PITPNC1: variants seen among roughly 807,000 people sequenced by gnomAD.
PITPNC1 encodes the protein phosphatidylinositol transfer protein cytoplasmic 1, also known as cytoplasmic phosphatidylinositol transfer protein 1.
In PITPNC1, 18 loss-of-function variants were observed where a neutral mutation model predicts 44.7. That is an observed-to-expected ratio of 0.40 (90% CI 0.28 to 0.60). The LOEUF is 0.60. PITPNC1 is among the 20% of genes least tolerant of loss of function. The probability of loss-of-function intolerance (pLI) is 0.39; values close to 1 mark genes in which losing one functional copy is unlikely to be tolerated. For synonymous variants in PITPNC1, 141 were observed against 149.6 expected (o/e 0.94, Z 0.42); for missense variants, 290 against 418.4 (o/e 0.69, Z 2.68).
intron 5 of PITPNC1, among the ~76,000 whole-genome samples, chr17:67,588,582 G>T (rs1331794461): frequency 1.3e-5 from 2 of 151,984 alleles, no homozygotes; most frequent in African/African-American, 4.8e-5. Context: ...AGCTGTCTCG[G>T]TTATCACATC....
intron 8 of PITPNC1, among the ~76,000 whole-genome samples, chr17:67,684,656 A>AT (rs1439617596): frequency 6.6e-6 from 1 of 151,886 alleles, no homozygotes; most frequent in South Asian, 2.1e-4. Flanking sequence ...CTTTTTACCT[A>AT]TTTTTTATTT....
intron 2 of PITPNC1, among the ~76,000 whole-genome samples, chr17:67,552,025 A>T (rs2040770636): frequency 6.6e-6 from 1 of 152,190 alleles, no homozygotes; most frequent in Admixed American, 6.5e-5. Context: ...AGTCTGATGG[A>T]GTCCCCCACC....
chr17:67,382,596 C>T (rs531566461), intron 1 of PITPNC1, among the ~76,000 whole-genome samples: 3 of 152,038 alleles, frequency 2.0e-5, no homozygotes, highest in South Asian at 2.1e-4. Flanking sequence ...ATTTGGTAGA[C>T]GTAGATGTAG....
At chr17:67,539,655 G>A (rs1222900922) in intron 2 of PITPNC1, among the ~76,000 whole-genome samples, 1 of 152,112 alleles carries the variant, frequency 6.6e-6, no homozygotes, top group Admixed American at 6.6e-5. Context: ...TGGCTAACAC[G>A]GTGAAACCCC....
intron 5 of PITPNC1, among the ~76,000 whole-genome samples, chr17:67,610,892 G>A (rs1205593955): frequency 1.4e-5 from 2 of 147,812 alleles, no homozygotes; most frequent in African/African-American, 5.0e-5. Context: ...CTGCACTCCA[G>A]CCTGGCGACA....
At position 67,636,164 on chromosome 17, in the gene PITPNC1, G is replaced by T. The variant is rs559292936; in HGVS notation, c.462+3926G>T. On this transcript the variant is annotated intron_variant, in intron 6 of 8. Transcript: ENST00000581322. Reference sequence around the variant, plus strand: ...ATTCAAAAAATTAGCCGGCCATGGTGGTAGGTGCCTGTAATTCCATCTACT... The same window carrying T: ...ATTCAAAAAATTAGCCGGCCATGGTTGTAGGTGCCTGTAATTCCATCTACT... 4.5e-4 allele frequency among the ~76,000 whole-genome samples: 68 copies of T among 151,994 alleles called. No individual in the cohort carries two copies. The South Asian group carries it at 0.012, about 28-fold the overall frequency.
chr17:67,434,464 G>A (rs2143903839), intron 1 of PITPNC1, among the ~76,000 whole-genome samples: 1 of 152,230 alleles, frequency 6.6e-6, no homozygotes. Context: ...CTTTCTTAGG[G>A]CCCTCTGCAC....
At chr17:67,622,175 G>T (rs966131209) in intron 5 of PITPNC1, among the ~76,000 whole-genome samples, 8 of 150,616 alleles carry the variant, frequency 5.3e-5, no homozygotes, top group Non-Finnish European at 1.0e-4. Flanking sequence ...GAGAATGGCA[G>T]GAACCCGGGA....
At chr17:67,391,312 C>G (rs2038135675) in intron 1 of PITPNC1, among the ~76,000 whole-genome samples, 1 of 152,000 alleles carries the variant, frequency 6.6e-6, no homozygotes, top group Non-Finnish European at 1.5e-5. Context: ...ATCTAAGCCG[C>G]TAATCTCCAA....
At position 67,425,203 on chromosome 17, in the gene PITPNC1, G is replaced by GCACACACACACACACA. The variant is rs60705271; in HGVS notation, c.48+47046_48+47061dup. 5.0e-3 allele frequency among the ~76,000 whole-genome samples: 491 copies of GCACACACACACACACA among 98,780 alleles called. 21 individuals are homozygous for GCACACACACACACACA. The highest frequency in any genetic ancestry group is 0.022 in the East Asian group (60 of 2,750). 64.8% of individuals were successfully genotyped at this position (98,780 alleles called of 152,430 possible). On this transcript the variant is annotated intron_variant, in intron 1 of 8. Transcript: ENST00000581322. Reference sequence around the variant, plus strand: ...CCATGTTGTGCGCGCGCACGCACACGCACACACACACACACACACACACAC... The same window carrying GCACACACACACACACA: ...CCATGTTGTGCGCGCGCACGCACACGCACACACACACACACACACACACACACACACACACACACAC...
chr17:67,473,975 T>G (rs913646720), intron 1 of PITPNC1, among the ~76,000 whole-genome samples: 4 of 152,248 alleles, frequency 2.6e-5, no homozygotes, highest in African/African-American at 4.8e-5. Flanking sequence ...CTCTCATTTA[T>G]TTATATCAGT....
At chr17:67,400,961 A>G (rs985720823) in intron 1 of PITPNC1, among the ~76,000 whole-genome samples, 3 of 151,364 alleles carry the variant, frequency 2.0e-5, no homozygotes, top group African/African-American at 4.9e-5. Context: ...TCACTCTGTC[A>G]TGTCACCCAG....
chr17:67,660,082 A>C (rs999277132), intron 6 of PITPNC1, among the ~76,000 whole-genome samples: 1 of 152,148 alleles, frequency 6.6e-6, no homozygotes, highest in East Asian at 1.9e-4. Context: ...GGGTTTTGCC[A>C]TGTGGCCCAG....
intron 6 of PITPNC1, among the ~76,000 whole-genome samples, chr17:67,648,534 C>A (rs1252945247): frequency 1.3e-5 from 2 of 152,188 alleles, no homozygotes; most frequent in Admixed American, 6.5e-5. Flanking sequence ...GAACTATACT[C>A]ATATTGCCAA....
At chr17:67,582,577 T>C (rs1310433560) in intron 5 of PITPNC1, among the ~76,000 whole-genome samples, 1 of 135,242 alleles carries the variant, frequency 7.4e-6, no homozygotes, top group Non-Finnish European at 1.6e-5. Flanking sequence ...CGTGACCCAA[T>C]ATCTAGTAAA....
intron 6 of PITPNC1, among the ~76,000 whole-genome samples, chr17:67,644,054 A>C (rs1048950945): frequency 1.3e-5 from 2 of 152,206 alleles, no homozygotes; most frequent in Non-Finnish European, 2.9e-5. Flanking sequence ...TGCAGAAGTT[A>C]CAGCCATTTG....
chr17:67,670,579 C>T (rs191394636), intron 7 of PITPNC1, among the ~76,000 whole-genome samples: 1 of 151,802 alleles, frequency 6.6e-6, no homozygotes, highest in Non-Finnish European at 1.5e-5. Flanking sequence ...GAAACCCTGT[C>T]TCTGCTAAAA....
intron 1 of PITPNC1, among the ~76,000 whole-genome samples, chr17:67,507,683 C>CAA (rs59838492): frequency 1.7e-3 from 131 of 79,354 alleles, no homozygotes; most frequent in Middle Eastern, 5.3e-3. Context: ...GACTTGGTCT[C>CAA]AAAAAAAAAA....
At chr17:67,551,044 G>A (rs997994177) in intron 2 of PITPNC1, among the ~76,000 whole-genome samples, 1 of 152,116 alleles carries the variant, frequency 6.6e-6, no homozygotes. Context: ...CTGGGTGACA[G>A]AGCGAGACTC....
Sources: gnomAD v4.1 joint callset for allele counts (sites outside exome capture counted in the v4.1 genomes callset) on GRCh38, gnomAD v4.1.1 for gene constraint, MANE v1.5 for transcripts, NCBI Gene and HGNC (gene_info 2026-07-23, HGNC 2026-07-21) for gene names.